The following IVD variants were observed in gnomAD, a reference collection of about 807,000 sequenced individuals.
IVD encodes the protein isovaleryl-CoA dehydrogenase, also known as isovaleryl-CoA dehydrogenase, mitochondrial.
A neutral mutation model predicts 51.3 loss-of-function variants in IVD; 31 were observed. That is an observed-to-expected ratio of 0.60 (90% confidence interval 0.45 to 0.81). The LOEUF is 0.81. Ranked by LOEUF, IVD falls within the 40% of genes least tolerant of loss-of-function variation. The probability of loss-of-function intolerance (pLI) is 0.00; values close to 1 mark genes in which losing one functional copy is unlikely to be tolerated. For missense variants in IVD, 475 were observed against 552.0 expected (o/e 0.86, Z 1.40); for synonymous variants, 205 against 219.4 (o/e 0.93, Z 0.58).
At chr15:40,413,136 G>C in intron 7 of IVD, 49 bp downstream of exon 7, 1 of 1,413,194 alleles carries the variant, frequency 7.1e-7, no homozygotes, top group Middle Eastern at 2.4e-4. Flanking sequence ...CCCCTTCCAG[G>C]CTGATCTGGC....
downstream of IVD, among the ~76,000 whole-genome samples, chr15:40,427,074 A>C (rs1056612662): frequency 4.6e-5 from 7 of 152,230 alleles, no homozygotes; most frequent in Non-Finnish European, 1.0e-4. Flanking sequence ...GAAGAAAAAA[A>C]GGTATTCCAG....
In IVD at chr15:40,413,671, TTTG is replaced by T. The variant is rs1306682590; in HGVS notation, c.784+587_784+589del. ...ATGGATTTGTTGTTTGGGGTTTTTT[TTTG>T]TTTTTTTTGTTTGTTTGTTTGTTTG... On this transcript the variant is annotated intron_variant, in intron 7 of 11. Coordinates refer to ENST00000487418, the MANE Select transcript of IVD (RefSeq NM_002225.5). Among the ~76,000 whole-genome samples, 175 of 102,002 alleles carry T rather than the reference TTTG, an allele frequency of 1.7e-3. 1 individual carries two copies. The highest frequency in any genetic ancestry group is 5.1e-3 in the African/African-American group (171 of 33,654). The allele number at this position is 102,002 out of a possible 152,430, so 66.9% of individuals were successfully genotyped here. A position where few individuals can be genotyped will look rare whatever the true frequency, so the allele number is the denominator to read the frequency against.
rs944850552 is a variant in IVD, at chr15:40,411,416, G to A, written c.550+63G>A. ...AGGTACAGACATTATCAGGATAATG[G>A]AGCAACAATTGTGGGTGGCCCCTGC... On this transcript the variant is annotated intron_variant, in intron 5 of 11. Transcript: ENST00000487418. The A allele has an allele frequency of 8.8e-6, 14 of 1,596,016 alleles. No individual in the cohort carries two copies. The African/African-American group carries it at 1.3e-4, about 15-fold the overall frequency.
chr15:40,414,918 G>A lies in IVD; in HGVS notation c.814G>A (p.Gly272Ser). Residue 272 changes from glycine to serine, a missense_variant, in exon 8 of 12, where the codon GGT becomes AGT. Transcript: ENST00000487418. ...AANILGHENK[G>S]VYVLMSGLDL... is the part of the protein sequence containing the mutation. ...CAACATCCTGGGCCATGAGAATAAG[G>A]GTGTCTACGTGCTGATGAGTGGGCT... 6.2e-7 allele frequency: 1 copy of A among 1,614,114 alleles called. No individual in the cohort carries two copies.
chr15:40,411,902 G>A (rs1025492358), intron 6 of IVD, among the ~76,000 whole-genome samples: 2 of 152,140 alleles, frequency 1.3e-5, no homozygotes, highest in South Asian at 2.1e-4. Context: ...CGGTGGAGCC[G>A]TCCTCAGCGC....
downstream of IVD, among the ~76,000 whole-genome samples, chr15:40,428,356 T>C (rs1892785262): frequency 6.6e-6 from 1 of 151,822 alleles, no homozygotes; most frequent in Non-Finnish European, 1.5e-5. Context: ...CCAGGTCCTC[T>C]TGTACCTCTT....
intron 11 of IVD, among the ~76,000 whole-genome samples, chr15:40,417,629 C>T (rs1406234559): frequency 6.6e-6 from 1 of 152,060 alleles, no homozygotes; most frequent in Non-Finnish European, 1.5e-5. Flanking sequence ...CGTGAATCGT[C>T]CCTTTGTGCA....
At chr15:40,407,548 G>A (rs534987308) in intron 1 of IVD, 88 bp from the exon 2 acceptor site, 20 of 934,254 alleles carry the variant, frequency 2.1e-5, no homozygotes, top group Non-Finnish European at 3.6e-5. Context: ...TGCTGTTTGG[G>A]GAAGTTACTT....
chr15:40,407,797 C>A, intron 2 of IVD, 72 bp downstream of exon 2: 1 of 1,451,014 alleles, frequency 6.9e-7, no homozygotes, highest in Non-Finnish European at 9.6e-7. Flanking sequence ...CCTGGAAGAG[C>A]TCACACAGTT....
downstream of IVD, among the ~76,000 whole-genome samples, chr15:40,429,173 T>C (rs967436579): frequency 1.4e-3 from 206 of 152,324 alleles, no homozygotes; most frequent in African/African-American, 4.6e-3. Context: ...CAAGCCCCTG[T>C]GGCCCACCAC....
intron 8 of IVD, 106 bp downstream of exon 8, chr15:40,415,088 C>G (rs1891511727): frequency 2.3e-6 from 3 of 1,309,024 alleles, no homozygotes; most frequent in East Asian, 5.0e-5. Context: ...AGGGAGCTGC[C>G]TCTTGGCCCT....
chr15:40,406,255 A>T, intron 1 of IVD: 1 of 1,472,514 alleles, frequency 6.8e-7, no homozygotes, highest in East Asian at 2.9e-5. Flanking sequence ...TGAGAGACTG[A>T]TGGTGTTTTG....
At chr15:40,422,318 C>G (rs971048959), downstream of IVD, among the ~76,000 whole-genome samples, 12 of 151,976 alleles carry the variant, frequency 7.9e-5, no homozygotes, top group African/African-American at 2.9e-4. Flanking sequence ...GAGTCTCGCT[C>G]TGTCGCCCAA....
Position 40,418,818 on chromosome 15 carries a change from T to C in IVD, c.*555T>C. ...TAAGGCAAATTCAACTTTCAGTCTC[T>C]TTTCTGGGGGAAAAAAATAATAAAC... is the stretch of plus-strand genomic sequence containing the variant. On this transcript the variant is annotated 3_prime_UTR_variant, in exon 12 of 12. Coordinates refer to ENST00000487418, the MANE Select transcript of IVD (RefSeq NM_002225.5). 3 of 1,028,488 alleles carry C rather than the reference T, an allele frequency of 2.9e-6. No homozygotes were observed. Among genetic ancestry groups the C allele is most frequent in the Non-Finnish European group, 3.6e-6 (3 of 832,406 alleles). 63.7% of individuals were successfully genotyped at this position (1,028,488 alleles called of 1,614,324 possible). A position where few individuals can be genotyped will look rare whatever the true frequency, so the allele number is the denominator to read the frequency against.
At position 40,420,889 on chromosome 15, in the gene IVD, C is replaced by A; in HGVS notation, c.*2626C>A. On this transcript the variant is annotated 3_prime_UTR_variant, in exon 12 of 12. Coordinates refer to ENST00000487418, the MANE Select transcript of IVD (RefSeq NM_002225.5). ...ATGGGTCTGGGTTGTTCCACCCCTT[C>A]CGAGTTCCAAAAAGAGGGAACTGGT... 1.0e-6 allele frequency: 1 copy of A among 985,626 alleles called. No homozygotes were observed. Among genetic ancestry groups the A allele is most frequent in the Non-Finnish European group, 1.2e-6 (1 of 830,064 alleles). 61.1% of individuals were successfully genotyped at this position (985,626 alleles called of 1,614,324 possible). A position where few individuals can be genotyped will look rare whatever the true frequency, so the allele number is the denominator to read the frequency against.
Position 40,407,694 on chromosome 15 carries a change from T to A in IVD, c.203T>A (p.Ile68Asn). 1 of 1,614,174 alleles carries A rather than the reference T, an allele frequency of 6.2e-7. No individual in the cohort carries two copies. The highest frequency in any genetic ancestry group is 8.5e-7 in the Non-Finnish European group (1 of 1,180,028). The change falls in exon 2 of 12, where the codon ATC becomes AAC. Residue 68 changes from isoleucine to asparagine, a missense_variant. Transcript: ENST00000487418. ...QEHLAPKAQE[I>N]DRSNEFKNLR... ...CACCTGGCCCCCAAGGCCCAGGAGATCGATCGCAGCAATGAGTTCAAGAAC... is the reference window on the plus strand; with the variant it reads ...CACCTGGCCCCCAAGGCCCAGGAGAACGATCGCAGCAATGAGTTCAAGAAC...
intron 7 of IVD, among the ~76,000 whole-genome samples, chr15:40,433,098 A>G (rs1468726364): frequency 1.3e-5 from 2 of 152,244 alleles, no homozygotes; most frequent in African/African-American, 4.8e-5. Context: ...GAAAGTCTGC[A>G]TTCTTAACCA....
intron 1 of IVD, 37 bp downstream of exon 1, chr15:40,406,008 C>T: frequency 8.0e-7 from 1 of 1,245,706 alleles, no homozygotes; most frequent in Middle Eastern, 2.3e-4. Flanking sequence ...CCCAAGGCCT[C>T]CTTCCTGCCT....
Position 40,420,891 on chromosome 15 carries a change from G to A in IVD, c.*2628G>A, listed in dbSNP as rs1292643042. On this transcript the variant is annotated 3_prime_UTR_variant, in exon 12 of 12. Transcript: ENST00000487418. ...GGGTCTGGGTTGTTCCACCCCTTCC[G>A]AGTTCCAAAAAGAGGGAACTGGTTT... The A allele has an allele frequency of 1.0e-5, 10 of 985,470 alleles. No individual in the cohort carries two copies. The highest frequency in any genetic ancestry group is 4.7e-5 in the South Asian group (1 of 21,296). 61.0% of individuals were successfully genotyped at this position (985,470 alleles called of 1,614,324 possible). A position where few individuals can be genotyped will look rare whatever the true frequency, so the allele number is the denominator to read the frequency against.
Sources: allele counts gnomAD v4.1 joint callset (sites outside exome capture counted in the v4.1 genomes callset), GRCh38; gene constraint gnomAD v4.1.1; transcripts MANE v1.5; gene names NCBI Gene and HGNC (gene_info 2026-07-23, HGNC 2026-07-21).